GNPTG: variants seen among roughly 807,000 people sequenced by gnomAD.
The protein encoded by GNPTG is N-acetylglucosamine-1-phosphate transferase subunit gamma.
In GNPTG, 46 loss-of-function variants were observed where a neutral mutation model predicts 43.8. The observed-to-expected ratio is 1.05, with a 90% CI of 0.83 to 1.34. The LOEUF (loss-of-function observed/expected upper bound fraction) is 1.34, where lower values mean the gene tolerates loss of function less well. GNPTG is among the 40% of genes most tolerant of loss of function. The pLI, the probability that GNPTG is intolerant of heterozygous loss-of-function variation, is 0.00. For missense variants in GNPTG, 549 were observed against 411.3 expected (o/e 1.33, Z -2.90); for synonymous variants, 250 against 172.8 (o/e 1.45, Z -3.50).
chr16:1,351,945 CGCG>C lies in GNPTG; in HGVS notation c.-15_-13del. 7.8e-7 allele frequency: 1 copy of C among 1,279,054 alleles called. No individual in the cohort carries two copies. Among genetic ancestry groups the C allele is most frequent in the Non-Finnish European group, 9.8e-7 (1 of 1,019,578 alleles). 79.2% of individuals were successfully genotyped at this position (1,279,054 alleles called of 1,614,324 possible). A position where few individuals can be genotyped will look rare whatever the true frequency, so the allele number is the denominator to read the frequency against. On this transcript the variant is annotated 5_prime_UTR_variant, in exon 1 of 11. Coordinates refer to ENST00000204679, the MANE Select transcript of GNPTG (RefSeq NM_032520.5). ...ACGTGACCGTCACTTCACGTGACCG[CGCG>C]GCGGCCGCTGCGGCGCGATGGCGGC...
intron 3 of GNPTG, chr16:1,358,082 C>G (rs2034810662): frequency 6.6e-6 from 1 of 152,382 alleles, no homozygotes; most frequent in African/African-American, 2.4e-5. Context: ...AGGGTGGCTG[C>G]TGTGGCTTGA....
intron 3 of GNPTG, among the ~76,000 whole-genome samples, chr16:1,355,237 G>T (rs1435483323): frequency 6.6e-6 from 1 of 152,256 alleles, no homozygotes; most frequent in Non-Finnish European, 1.5e-5. Context: ...GTGGGGTCGG[G>T]TGTGGATATT....
rs747006896 is a variant in GNPTG, at chr16:1,363,114, T to C, written c.*23T>C. The stretch of plus-strand genomic sequence containing the variant: ...TGACCTTGTGGTGGGAGAGCAGAGG[T>C]GGACGCGGCCGAGAGCCCTACAGAG... On this transcript the variant is annotated 3_prime_UTR_variant, in exon 11 of 11. Transcript: ENST00000204679. 19 of 1,608,676 alleles carry C rather than the reference T, an allele frequency of 1.2e-5. No individual in the cohort carries two copies. The African/African-American group carries it at 1.9e-4, about 16-fold the overall frequency.
intron 3 of GNPTG, chr16:1,358,878 T>C (rs2034823606): frequency 6.6e-6 from 1 of 152,066 alleles, no homozygotes; most frequent in Non-Finnish European, 1.5e-5. Flanking sequence ...TTTTTTTTTT[T>C]TGAGATGGAG....
chr16:1,356,436 G>A (rs899614841), intron 3 of GNPTG, among the ~76,000 whole-genome samples: 2 of 152,186 alleles, frequency 1.3e-5, no homozygotes, highest in African/African-American at 2.4e-5. Flanking sequence ...CCCAAGAGGC[G>A]TGGAGGGGCC....
intron 3 of GNPTG, among the ~76,000 whole-genome samples, chr16:1,360,106 C>CAA (rs57898693): frequency 2.1e-5 from 3 of 143,908 alleles, no homozygotes; most frequent in African/African-American, 5.1e-5. Context: ...GACTCCGTCT[C>CAA]AAAAAAAAAA....
chr16:1,359,852 G>A (rs541692377), intron 3 of GNPTG, among the ~76,000 whole-genome samples: 11 of 152,092 alleles, frequency 7.2e-5, no homozygotes, highest in Non-Finnish European at 1.3e-4. Flanking sequence ...GCTCACGCCT[G>A]TAATCCCAGT....
At chr16:1,361,844 A>G in intron 4 of GNPTG, 28 bp from the exon 5 acceptor site, 1 of 1,613,052 alleles carries the variant, frequency 6.2e-7, no homozygotes, top group Non-Finnish European at 8.5e-7. Flanking sequence ...CAGCCTGCGG[A>G]CCCCCCTCAT....
chr16:1,363,441 G>A lies in GNPTG; in HGVS notation c.*350G>A, dbSNP rs1016643337. 2.3e-5 allele frequency: 8 copies of A among 351,228 alleles called. No homozygotes were observed. The Admixed American group carries it at 3.3e-4, about 14-fold the overall frequency. The allele number at this position is 351,228 out of a possible 1,614,324, so 21.8% of individuals were successfully genotyped here. A position where few individuals can be genotyped will look rare whatever the true frequency, so the allele number is the denominator to read the frequency against. ...GAGGCTTCCAGAAATTAATCCACTTGAGGCGTCCACGCGGAACAAGGTCTG... is the reference window on the plus strand; with the variant it reads ...GAGGCTTCCAGAAATTAATCCACTTAAGGCGTCCACGCGGAACAAGGTCTG... On this transcript the variant is annotated 3_prime_UTR_variant, in exon 11 of 11. Transcript: ENST00000204679.
chr16:1,358,689 C>T (rs1289668805), intron 3 of GNPTG, among the ~76,000 whole-genome samples: 3 of 152,116 alleles, frequency 2.0e-5, no homozygotes, highest in Admixed American at 1.3e-4. Context: ...GTGGCTGCAC[C>T]GTTTCCCATT....
chr16:1,361,079 C>T (rs1174275359), intron 3 of GNPTG: 6 of 152,868 alleles, frequency 3.9e-5, no homozygotes, highest in Admixed American at 2.6e-4. Context: ...ATTACAGGTG[C>T]GCGCCACTAC....
Position 1,363,419 on chromosome 16 carries a change from G to A in GNPTG, c.*328G>A. ...TAAATACTCAAACATACAGATTGAG[G>A]CTTCCAGAAATTAATCCACTTGAGG... On this transcript the variant is annotated 3_prime_UTR_variant, in exon 11 of 11. Coordinates refer to ENST00000204679, the MANE Select transcript of GNPTG (RefSeq NM_032520.5). The A allele has an allele frequency of 2.7e-6, 1 of 366,194 alleles. No homozygotes were observed. The highest frequency in any genetic ancestry group is 2.1e-5 in the African/African-American group (1 of 47,452). 22.7% of individuals were successfully genotyped at this position (366,194 alleles called of 1,614,324 possible).
intron 3 of GNPTG, chr16:1,357,703 C>G (rs1299899127): frequency 2.6e-5 from 4 of 154,058 alleles, no homozygotes; most frequent in African/African-American, 9.6e-5. Context: ...TTAACAGAGA[C>G]GGGGTTTCAC....
intron 3 of GNPTG, chr16:1,359,094 G>A (rs1419359755): frequency 6.6e-6 from 1 of 152,220 alleles, no homozygotes; most frequent in Non-Finnish European, 1.5e-5. Flanking sequence ...CTGACCTCAT[G>A]ATCCGCCTGC....
intron 3 of GNPTG, 78 bp downstream of exon 3, chr16:1,352,384 G>C (rs1235021590): frequency 7.3e-7 from 1 of 1,376,744 alleles, no homozygotes; most frequent in Non-Finnish European, 1.0e-6. Flanking sequence ...GAGTGACCCT[G>C]AGAGTTACGG....
Position 1,362,603 on chromosome 16 carries a change from AC to A in GNPTG, c.610-6del. ...GCTGGGTGCTGCCCCTGCATCCTCC[AC>A]CTTCAGGGCCATGAGAAGTTGCTGA... On this transcript the variant is annotated splice_region_variant and splice_polypyrimidine_tract_variant and intron_variant, in intron 8 of 10. Transcript: ENST00000204679. The A allele has an allele frequency of 6.2e-7, 1 of 1,614,114 alleles. No individual in the cohort carries two copies. Among genetic ancestry groups the A allele is most frequent in the Non-Finnish European group, 8.5e-7 (1 of 1,180,024 alleles).
In GNPTG at chr16:1,363,528, TACAG is replaced by T. The variant is rs2034999005; in HGVS notation, c.*440_*443del. ...CACGGCGAATGTCGAACACTAGAGT[TACAG>T]ACGACAGGCAACAAGAACATGCAGA... On this transcript the variant is annotated 3_prime_UTR_variant, in exon 11 of 11. Coordinates refer to ENST00000204679, the MANE Select transcript of GNPTG (RefSeq NM_032520.5). The T allele has an allele frequency of 4.0e-6, 1 of 251,540 alleles. No homozygotes were observed. The highest frequency in any genetic ancestry group is 2.3e-5 in the African/African-American group (1 of 43,820). The allele number at this position is 251,540 out of a possible 1,614,324, so 15.6% of individuals were successfully genotyped here. A position where few individuals can be genotyped will look rare whatever the true frequency, so the allele number is the denominator to read the frequency against.
chr16:1,362,541 G>A lies in GNPTG; in HGVS notation c.609+7G>A, dbSNP rs201419201. The A allele has an allele frequency of 6.8e-6, 11 of 1,614,036 alleles. 1 individual carries two copies. The highest frequency in any genetic ancestry group is 3.3e-5 in the South Asian group (3 of 91,092). On this transcript the variant is annotated splice_region_variant and intron_variant, in intron 8 of 10. Coordinates refer to ENST00000204679, the MANE Select transcript of GNPTG (RefSeq NM_032520.5). Reference sequence around the variant, plus strand: ...TGAGCTGATCACCCCCCAGGTAAGCGTGCGCTCGGGGTGGCCCCTGGTGGG... The same window carrying A: ...TGAGCTGATCACCCCCCAGGTAAGCATGCGCTCGGGGTGGCCCCTGGTGGG...
At chr16:1,359,178 T>G (rs1185946521) in intron 3 of GNPTG, among the ~76,000 whole-genome samples, 1 of 152,110 alleles carries the variant, frequency 6.6e-6, no homozygotes, top group Non-Finnish European at 1.5e-5. Context: ...TGGGCTGTAG[T>G]TCTGTGTTCT....
Sources: gnomAD v4.1 joint callset for allele counts (sites outside exome capture counted in the v4.1 genomes callset) on GRCh38, gnomAD v4.1.1 for gene constraint, MANE v1.5 for transcripts, NCBI Gene and HGNC (gene_info 2026-07-23, HGNC 2026-07-21) for gene names.